ENTREP2: variants seen among roughly 807,000 people sequenced by gnomAD.
The protein encoded by ENTREP2 is protein ENTREP2.
At chr15:29,552,998 T>C in the ENTREP2 span, among the ~76,000 whole-genome samples, 1 of 152,178 alleles carries the variant, frequency 6.6e-6, no homozygotes, top group Non-Finnish European at 1.5e-5. Flanking sequence ...ATTGGAATGT[T>C]TCATACTGTA....
the ENTREP2 span, among the ~76,000 whole-genome samples, chr15:29,427,701 T>TC: frequency 6.6e-6 from 1 of 152,066 alleles, no homozygotes; most frequent in Non-Finnish European, 1.5e-5. Context: ...CGGCATAACC[T>TC]CCCCATCTCC....
chr15:29,611,915 CT>C, the ENTREP2 span, among the ~76,000 whole-genome samples: 2 of 152,180 alleles, frequency 1.3e-5, no homozygotes, highest in East Asian at 3.9e-4. Flanking sequence ...TTCTGTCTGC[CT>C]TCGCTGCACC....
At chr15:29,381,760 G>A in the ENTREP2 span, 8 of 1,549,878 alleles carry the variant, frequency 5.2e-6, no homozygotes, top group Admixed American at 2.0e-5. Flanking sequence ...ACCTGGAGAC[G>A]CAGGTGCCAC....
chr15:29,462,454 C>CA, the ENTREP2 span, among the ~76,000 whole-genome samples: 1 of 151,854 alleles, frequency 6.6e-6, no homozygotes, highest in Non-Finnish European at 1.5e-5. Context: ...ACTAAAAATA[C>CA]AAAAAATTAG....
the ENTREP2 span, chr15:29,234,833 A>G: frequency 7.1e-7 from 1 of 1,410,192 alleles, no homozygotes; most frequent in South Asian, 1.2e-5. Context: ...GCAAGGTAAG[A>G]ACTTTGCATT....
the ENTREP2 span, among the ~76,000 whole-genome samples, chr15:29,550,298 A>G: frequency 7.9e-5 from 12 of 152,212 alleles, no homozygotes; most frequent in Non-Finnish European, 1.6e-4. Context: ...AAGGGAAAGC[A>G]AGTGCATATT....
chr15:29,446,354 G>C, the ENTREP2 span, among the ~76,000 whole-genome samples: 1 of 152,210 alleles, frequency 6.6e-6, no homozygotes, highest in Admixed American at 6.5e-5. Flanking sequence ...AAAGAGGTGA[G>C]GGGGGAAGTC....
chr15:29,601,995 C>T, the ENTREP2 span, among the ~76,000 whole-genome samples: 2 of 152,212 alleles, frequency 1.3e-5, no homozygotes, highest in African/African-American at 4.8e-5. Flanking sequence ...CCCATTTGTG[C>T]TCCATGCAAT....
At chr15:29,388,439 A>T in the ENTREP2 span, among the ~76,000 whole-genome samples, 1 of 152,204 alleles carries the variant, frequency 6.6e-6, no homozygotes, top group Non-Finnish European at 1.5e-5. Flanking sequence ...ACCAGTTAGA[A>T]TGGCCATAAT....
chr15:29,187,601 C>A, the ENTREP2 span, among the ~76,000 whole-genome samples: 1 of 152,152 alleles, frequency 6.6e-6, no homozygotes, highest in Non-Finnish European at 1.5e-5. Context: ...TTGTCTGTTT[C>A]CCCCAGTAGA....
chr15:29,280,923 G>A, the ENTREP2 span, among the ~76,000 whole-genome samples: 2,921 of 152,162 alleles, frequency 0.019, 101 homozygotes, highest in African/African-American at 0.067. Context: ...TGAGAGAGGT[G>A]GTTGGGAAAG....
chr15:29,468,492 C>A, the ENTREP2 span, among the ~76,000 whole-genome samples: 4 of 151,972 alleles, frequency 2.6e-5, no homozygotes, highest in African/African-American at 9.7e-5. Flanking sequence ...TGCCTGTAAT[C>A]CCAGCTACTT....
chr15:29,150,425 T>C, the ENTREP2 span, among the ~76,000 whole-genome samples: 5 of 152,262 alleles, frequency 3.3e-5, no homozygotes, highest in Non-Finnish European at 5.9e-5. Context: ...AGCATTTACA[T>C]GCCTTTAGTT....
chr15:29,600,835 T>C, the ENTREP2 span, among the ~76,000 whole-genome samples: 1 of 150,966 alleles, frequency 6.6e-6, no homozygotes, highest in Non-Finnish European at 1.5e-5. Flanking sequence ...ACTGTAAAAA[T>C]CACCATGCAA....
the ENTREP2 span, among the ~76,000 whole-genome samples, chr15:29,593,173 G>C: frequency 7.2e-5 from 11 of 152,226 alleles, no homozygotes; most frequent in Admixed American, 6.5e-4. Flanking sequence ...TTTGTTCCTT[G>C]TGTCTATGTT....
the ENTREP2 span, among the ~76,000 whole-genome samples, chr15:29,448,353 T>A: frequency 6.6e-6 from 1 of 152,156 alleles, no homozygotes; most frequent in African/African-American, 2.4e-5. Flanking sequence ...CTGGCAGATA[T>A]CTCCCAAACA....
At chr15:29,657,186 T>G in the ENTREP2 span, among the ~76,000 whole-genome samples, 4 of 151,188 alleles carry the variant, frequency 2.6e-5, no homozygotes, top group African/African-American at 9.7e-5. Context: ...CAGCTGGGAC[T>G]ACACGCGCCC....
the ENTREP2 span, chr15:29,136,255 TCA>T: frequency 8.1e-7 from 1 of 1,238,006 alleles, no homozygotes; most frequent in African/African-American, 1.5e-5. Flanking sequence ...AGTGTTCACC[TCA>T]CAGCCAGCTC....
the ENTREP2 span, among the ~76,000 whole-genome samples, chr15:29,489,274 A>G: frequency 6.6e-6 from 1 of 152,290 alleles, no homozygotes; most frequent in South Asian, 2.1e-4. Flanking sequence ...ATATGGAGCG[A>G]GGGTACTGAT....
Sources: allele counts gnomAD v4.1 joint callset (sites outside exome capture counted in the v4.1 genomes callset), GRCh38; gene constraint gnomAD v4.1.1; transcripts MANE v1.5; gene names NCBI Gene and HGNC (gene_info 2026-07-23, HGNC 2026-07-21).